The following ULK2 variants were observed in gnomAD, a reference collection of about 807,000 sequenced individuals.
The protein encoded by ULK2 is unc-51 like autophagy activating kinase 2.
ULK2 carries 76 observed loss-of-function variants against 127.5 expected under a neutral mutation model. The ratio of observed to expected loss-of-function variants is 0.60; its 90% CI spans 0.50 to 0.72. The LOEUF (loss-of-function observed/expected upper bound fraction) is 0.72, where lower values mean the gene tolerates loss of function less well. ULK2 is among the 30% of genes least tolerant of loss of function. The probability of loss-of-function intolerance (pLI) is 0.00; values close to 1 mark genes in which losing one functional copy is unlikely to be tolerated. For synonymous variants in ULK2, 452 were observed against 461.9 expected (o/e 0.98, Z 0.28); for missense variants, 1,144 against 1,295.9 (o/e 0.88, Z 1.80).
At chr17:19,850,315 T>C (rs2041985145) in intron 3 of ULK2, among the ~76,000 whole-genome samples, 1 of 152,128 alleles carries the variant, frequency 6.6e-6, no homozygotes, top group Non-Finnish European at 1.5e-5. Flanking sequence ...AAGGGAAATG[T>C]TTTATCACAT....
Position 19,797,456 on chromosome 17 carries a change from T to C in ULK2, c.1749A>G (p.Pro583=), listed in dbSNP as rs2087296660. The change falls in exon 18 of 27, where the codon CCA becomes CCG. Residue 583 remains proline (P), a synonymous_variant. Transcript: ENST00000395544. ...TTTTAAAGAACCAGTCAGAACTCCG[T>C]GGAGAGGACCCCAAGTGCTTGGTGG... is the stretch of plus-strand genomic sequence containing the variant. ...TSPTKHLGSS[P]RSSDWFFKTP... is the part of the protein sequence containing the mutation. 1.2e-6 allele frequency: 2 copies of C among 1,613,844 alleles called. No individual in the cohort carries two copies. The highest frequency in any genetic ancestry group is 2.2e-5 in the East Asian group (1 of 44,824).
At chr17:19,826,066 T>C (rs72841961) in intron 11 of ULK2, 73 bp downstream of exon 11, 10,518 of 698,914 alleles carry the variant, frequency 0.015, 120 homozygotes, top group Non-Finnish European at 0.019. Flanking sequence ...ATGAATTTTG[T>C]AGTAAAAATC....
chr17:19,853,470 T>C, intron 3 of ULK2, among the ~76,000 whole-genome samples: 1 of 151,716 alleles, frequency 6.6e-6, no homozygotes. Context: ...AATCCTCACA[T>C]CTCTCTGCTA....
chr17:19,843,880 G>A (rs952060100), intron 7 of ULK2, among the ~76,000 whole-genome samples: 8 of 151,830 alleles, frequency 5.3e-5, no homozygotes, highest in Non-Finnish European at 8.8e-5. Context: ...GGCTGGTCTC[G>A]AACTCCTGAC....
chr17:19,855,237 T>A (rs2152400971), intron 3 of ULK2, among the ~76,000 whole-genome samples: 1 of 151,872 alleles, frequency 6.6e-6, no homozygotes, highest in Non-Finnish European at 1.5e-5. Flanking sequence ...ACCCCGTCTC[T>A]ACTAAAAATA....
chr17:19,820,326 C>T (rs896211765), intron 12 of ULK2, among the ~76,000 whole-genome samples: 3 of 152,152 alleles, frequency 2.0e-5, no homozygotes, highest in African/African-American at 7.2e-5. Context: ...GGATTACAGG[C>T]GTGAGCCACC....
intron 3 of ULK2, among the ~76,000 whole-genome samples, chr17:19,856,698 T>C (rs1200186517): frequency 2.7e-5 from 4 of 148,728 alleles, no homozygotes; most frequent in Admixed American, 6.7e-5. Context: ...TACGGCCGGG[T>C]GCAGTGGCTC....
chr17:19,778,119 T>C (rs1252087956), intron 25 of ULK2, among the ~76,000 whole-genome samples: 1 of 152,276 alleles, frequency 6.6e-6, no homozygotes, highest in Non-Finnish European at 1.5e-5. Flanking sequence ...CTGGCTTTAC[T>C]GGCTTCTTTT....
intron 3 of ULK2, among the ~76,000 whole-genome samples, chr17:19,854,446 AATTG>A (rs1162518122): frequency 6.6e-6 from 1 of 152,138 alleles, no homozygotes; most frequent in African/African-American, 2.4e-5. Flanking sequence ...TAAATTTATA[AATTG>A]ATTCTCACCT....
At chr17:19,827,174 T>C (rs1055273118) in intron 10 of ULK2, among the ~76,000 whole-genome samples, 3 of 152,184 alleles carry the variant, frequency 2.0e-5, no homozygotes, top group Non-Finnish European at 4.4e-5. Context: ...CCATTTCATC[T>C]TTTCCCCGAC....
At chr17:19,862,936 G>A (rs150318138) in intron 3 of ULK2, among the ~76,000 whole-genome samples, 4 of 152,258 alleles carry the variant, frequency 2.6e-5, no homozygotes, top group East Asian at 1.9e-4. Context: ...AAAGCAGACC[G>A]GGAGTGGTGG....
At position 19,788,858 on chromosome 17, in the gene ULK2, G is replaced by C. The variant is rs551350866; in HGVS notation, c.2102-2772C>G. On this transcript the variant is annotated intron_variant, in intron 20 of 26. Coordinates refer to ENST00000395544, the MANE Select transcript of ULK2 (RefSeq NM_014683.4). ...CACAGGGATAGGTTCCTCTGCCTGTGGAAGGGGCAGGAAAGACCGGGAAGG... is the reference window on the plus strand; with the variant it reads ...CACAGGGATAGGTTCCTCTGCCTGTCGAAGGGGCAGGAAAGACCGGGAAGG... Among the ~76,000 whole-genome samples, 9 of 152,320 alleles carry C rather than the reference G, an allele frequency of 5.9e-5. No homozygotes were observed. The East Asian group carries it at 1.7e-3, about 29-fold the overall frequency.
Position 19,864,383 on chromosome 17 carries a change from G to A in ULK2, c.225+420C>T, listed in dbSNP as rs544396057. ...CTAGCTACTCGGGAGGCTGAGGCAG[G>A]AGAATCGCTTAAACCCGGGAGGTAG... On this transcript the variant is annotated intron_variant, in intron 3 of 26. Transcript: ENST00000395544. 5.3e-5 allele frequency among the ~76,000 whole-genome samples: 8 copies of A among 151,960 alleles called. No individual in the cohort carries two copies. The East Asian group carries it at 7.7e-4, about 15-fold the overall frequency.
intron 20 of ULK2, 64 bp from the exon 21 acceptor site, chr17:19,786,150 T>C (rs1379753242): frequency 5.2e-5 from 77 of 1,481,274 alleles, no homozygotes. Context: ...GGAGATGGGA[T>C]TGCAGGGGGA....
chr17:19,857,562 C>G (rs1409919421), intron 3 of ULK2, among the ~76,000 whole-genome samples: 1 of 152,130 alleles, frequency 6.6e-6, no homozygotes, highest in Non-Finnish European at 1.5e-5. Context: ...TGAGCACCAC[C>G]TATTAAATTA....
At chr17:19,807,107 G>A (rs2087531145) in intron 14 of ULK2, among the ~76,000 whole-genome samples, 1 of 152,296 alleles carries the variant, frequency 6.6e-6, no homozygotes, top group Non-Finnish European at 1.5e-5. Context: ...GAAGAAGGAA[G>A]GATCTATGCA....
At chr17:19,789,436 A>T (rs2087105878) in intron 20 of ULK2, among the ~76,000 whole-genome samples, 1 of 152,200 alleles carries the variant, frequency 6.6e-6, no homozygotes, top group Non-Finnish European at 1.5e-5. Flanking sequence ...ACGGGTACAG[A>T]TTGCAAAGCC....
intron 8 of ULK2, among the ~76,000 whole-genome samples, chr17:19,842,242 G>A (rs2041781131): frequency 7.3e-6 from 1 of 136,370 alleles, no homozygotes; most frequent in Non-Finnish European, 1.5e-5. Context: ...TTGTTGCCCA[G>A]GCTGGAGTGC....
At chr17:19,822,384 T>TAA (rs1025350860) in intron 12 of ULK2, among the ~76,000 whole-genome samples, 1 of 151,772 alleles carries the variant, frequency 6.6e-6, no homozygotes, top group Non-Finnish European at 1.5e-5. Context: ...TTTTTTGAGA[T>TAA]AGAGTCTCGC....
Sources: allele counts gnomAD v4.1 joint callset (sites outside exome capture counted in the v4.1 genomes callset), GRCh38; gene constraint gnomAD v4.1.1; transcripts MANE v1.5; gene names NCBI Gene and HGNC (gene_info 2026-07-23, HGNC 2026-07-21).